Variants in NRXN1 observed in about 807,000 individuals in gnomAD.
The protein encoded by NRXN1 is neurexin 1.
A neutral mutation model predicts 150.9 loss-of-function variants in NRXN1; 39 were observed. That is an observed-to-expected ratio of 0.26 (90% CI 0.20 to 0.34). The LOEUF (loss-of-function observed/expected upper bound fraction) is 0.34. Ranked by LOEUF, NRXN1 falls within the 10% of genes least tolerant of loss-of-function variation. The pLI is 1.00. For missense variants in NRXN1, 1,815 were observed against 1,949.9 expected (o/e 0.93, Z 1.30); for synonymous variants, 924 against 757.0 (o/e 1.22, Z -3.62).
At chr2:51,015,743 T>C (rs896139704) in intron 2 of NRXN1, among the ~76,000 whole-genome samples, 1 of 151,906 alleles carries the variant, frequency 6.6e-6, no homozygotes, top group African/African-American at 2.4e-5. Flanking sequence ...ATTTTTAACT[T>C]AAATAAAGGG....
intron 5 of NRXN1, among the ~76,000 whole-genome samples, chr2:50,642,828 A>G (rs1388469560): frequency 6.6e-6 from 1 of 151,994 alleles, no homozygotes; most frequent in Non-Finnish European, 1.5e-5. Context: ...AGACATTTTT[A>G]TTCTTCCTAC....
chr2:50,885,155 C>G (rs939403674), intron 5 of NRXN1, among the ~76,000 whole-genome samples: 2 of 151,448 alleles, frequency 1.3e-5, no homozygotes, highest in Non-Finnish European at 3.0e-5. Flanking sequence ...AAGGGCTCAT[C>G]TTTATGCAAC....
chr2:50,305,837 A>T (rs2152958381), intron 17 of NRXN1, among the ~76,000 whole-genome samples: 1 of 152,338 alleles, frequency 6.6e-6, no homozygotes, highest in African/African-American at 2.4e-5. Flanking sequence ...AAAGAAGGTA[A>T]AAAGCTATCC....
At position 50,094,767 on chromosome 2, in the gene NRXN1, G is replaced by GAAA. The variant is rs10632264; in HGVS notation, c.3547-3276_3547-3274dup. On this transcript the variant is annotated intron_variant, in intron 18 of 22. Transcript: ENST00000401669. ...GGTGAAGAAAACTGAGAAAAGAAAA[G>GAAA]AAAAAAAAAAAAAGAACTTGGAATT... Among the ~76,000 whole-genome samples the GAAA allele has an allele frequency of 2.3e-3, 308 of 131,468 alleles. 1 individual carries two copies. Among genetic ancestry groups the GAAA allele is most frequent in the African/African-American group, 5.5e-3 (192 of 35,020 alleles). The allele number at this position is 131,468 out of a possible 152,430, so 86.2% of individuals were successfully genotyped here.
chr2:50,314,595 T>C (rs567629142), intron 17 of NRXN1, among the ~76,000 whole-genome samples: 12 of 147,656 alleles, frequency 8.1e-5, no homozygotes, highest in African/African-American at 2.6e-4. Flanking sequence ...TGCCATTGTT[T>C]GGTAAATGCC....
chr2:50,520,792 C>A (rs1291302320), intron 12 of NRXN1, among the ~76,000 whole-genome samples: 1 of 151,964 alleles, frequency 6.6e-6, no homozygotes, highest in Non-Finnish European at 1.5e-5. Flanking sequence ...AATGGTCTAA[C>A]TCCATATTTA....
intron 5 of NRXN1, among the ~76,000 whole-genome samples, chr2:50,644,459 T>C (rs1404120045): frequency 6.6e-6 from 1 of 151,574 alleles, no homozygotes; most frequent in Non-Finnish European, 1.5e-5. Flanking sequence ...GCAAAAGAAA[T>C]AAATACAAAA....
chr2:50,490,054 G>A (rs887463906), intron 15 of NRXN1, among the ~76,000 whole-genome samples: 2 of 152,232 alleles, frequency 1.3e-5, no homozygotes, highest in Non-Finnish European at 2.9e-5. Context: ...TCACATCTCT[G>A]TCTGTCTTTC....
chr2:50,856,324 G>A (rs1451097676), intron 5 of NRXN1, among the ~76,000 whole-genome samples: 1 of 151,946 alleles, frequency 6.6e-6, no homozygotes, highest in Non-Finnish European at 1.5e-5. Context: ...TATTACTCAT[G>A]CACACCCCTC....
chr2:50,923,663 C>T (rs1686424017), intron 3 of NRXN1: 2 of 156,254 alleles, frequency 1.3e-5, no homozygotes, highest in African/African-American at 4.8e-5. Flanking sequence ...TTTCTCTATC[C>T]ATGTATATGT....
At chr2:50,352,779 T>TATA (rs987086972) in intron 17 of NRXN1, among the ~76,000 whole-genome samples, 3,098 of 94,290 alleles carry the variant, frequency 0.033, 42 homozygotes, top group East Asian at 0.11. Context: ...ATAATAATAT[T>TATA]ATAATAATAA....
chr2:50,699,524 G>A (rs1164278893), intron 5 of NRXN1, among the ~76,000 whole-genome samples: 1 of 152,046 alleles, frequency 6.6e-6, no homozygotes, highest in Non-Finnish European at 1.5e-5. Context: ...ACTTCCCACT[G>A]CTTGAAGACA....
At chr2:50,051,922 G>C (rs1197200551) in intron 21 of NRXN1, among the ~76,000 whole-genome samples, 1 of 152,048 alleles carries the variant, frequency 6.6e-6, no homozygotes, top group African/African-American at 2.4e-5. Flanking sequence ...AAAGAAAAGA[G>C]AGAAAAATGA....
intron 5 of NRXN1, among the ~76,000 whole-genome samples, chr2:50,639,838 T>A (rs1482114847): frequency 1.3e-5 from 2 of 152,188 alleles, no homozygotes; most frequent in Non-Finnish European, 2.9e-5. Context: ...ATTTTGTTTT[T>A]TGCAGTTTCT....
intron 5 of NRXN1, among the ~76,000 whole-genome samples, chr2:50,744,206 C>A (rs1256872811): frequency 4.6e-5 from 7 of 151,976 alleles, no homozygotes; most frequent in Admixed American, 6.6e-5. Context: ...AATATAAACA[C>A]CATCACAGTT....
Position 50,459,735 on chromosome 2 carries a change from C to T in NRXN1, c.3364+5707G>A, listed in dbSNP as rs531542134. Among the ~76,000 whole-genome samples, 15 of 152,126 alleles carry T rather than the reference C, an allele frequency of 9.9e-5. No individual in the cohort carries two copies. In the East Asian group the frequency reaches 2.9e-3, roughly 29 times the overall value. On this transcript the variant is annotated intron_variant, in intron 17 of 22. Transcript: ENST00000401669. ...CATACTAAGCCATTTATTATTTGTACTTATTTGGTATTGTGCAAGGTTCTG... is the reference window on the plus strand; with the variant it reads ...CATACTAAGCCATTTATTATTTGTATTTATTTGGTATTGTGCAAGGTTCTG...
chr2:50,584,189 C>A (rs1672732693), intron 8 of NRXN1, among the ~76,000 whole-genome samples: 1 of 152,116 alleles, frequency 6.6e-6, no homozygotes, highest in African/African-American at 2.4e-5. Context: ...CATAAATCCC[C>A]AAAGATAATG....
chr2:49,973,998 C>T, intron 21 of NRXN1: 2 of 717,420 alleles, frequency 2.8e-6, no homozygotes, highest in Non-Finnish European at 5.2e-6. Flanking sequence ...ATCTCATATC[C>T]ATGTCTGTCT....
intron 17 of NRXN1, among the ~76,000 whole-genome samples, chr2:50,288,563 T>C (rs1451031249): frequency 6.6e-6 from 1 of 152,156 alleles, no homozygotes. Flanking sequence ...TGAATCACAG[T>C]TCCACATGGC....
Sources: gnomAD v4.1 joint callset for allele counts (sites outside exome capture counted in the v4.1 genomes callset) on GRCh38, gnomAD v4.1.1 for gene constraint, MANE v1.5 for transcripts, NCBI Gene and HGNC (gene_info 2026-07-23, HGNC 2026-07-21) for gene names.